The following RBM45 variants were observed in gnomAD, a reference collection of about 807,000 sequenced individuals.
RBM45 encodes the protein RNA binding motif protein 45.
Under a neutral mutation model 58.5 loss-of-function variants are expected in RBM45, and 39 were observed. The ratio of observed to expected loss-of-function variants is 0.67; its 90% CI spans 0.52 to 0.87. RBM45 has a LOEUF of 0.87. Ranked by LOEUF, RBM45 falls within the 40% of genes least tolerant of loss-of-function variation. RBM45 has a pLI of 0.00. For missense variants in RBM45, 481 were observed against 581.6 expected, an observed-to-expected ratio of 0.83 and a Z score of 1.78; for synonymous variants, 193 against 203.0, an observed-to-expected ratio of 0.95 and a Z score of 0.42.
At chr2:178,134,871 C>T (rs1220519668) in intron 3 of RBM45, among the ~76,000 whole-genome samples, 1 of 149,710 alleles carries the variant, frequency 6.7e-6, no homozygotes, top group Non-Finnish European at 1.5e-5. Flanking sequence ...ACCTGTAATC[C>T]CAGCTACTAA....
chr2:178,120,228 G>A (rs763177843), intron 3 of RBM45, 59 bp from the exon 4 acceptor site: 8 of 1,601,412 alleles, frequency 5.0e-6, no homozygotes, highest in South Asian at 1.1e-5. Context: ...TAGCAATCAA[G>A]TATATTTGCA....
chr2:178,114,714 C>G (rs1232066312), intron 1 of RBM45, among the ~76,000 whole-genome samples: 2 of 152,102 alleles, frequency 1.3e-5, no homozygotes, highest in African/African-American at 2.4e-5. Flanking sequence ...GCCTCATCCT[C>G]CCTCTCGAGT....
intron 8 of RBM45, among the ~76,000 whole-genome samples, chr2:178,125,105 A>G (rs1195938334): frequency 6.6e-6 from 1 of 152,188 alleles, no homozygotes; most frequent in Non-Finnish European, 1.5e-5. Flanking sequence ...ACATAATGTG[A>G]TAGTATATTG....
chr2:178,119,267 A>G (rs1208984164), intron 3 of RBM45, among the ~76,000 whole-genome samples: 4 of 152,360 alleles, frequency 2.6e-5, no homozygotes, highest in Middle Eastern at 3.4e-3. Flanking sequence ...GAGTCTGTCA[A>G]TGGTGAAAAA....
chr2:178,122,662 C>G (rs2087870497), intron 5 of RBM45, among the ~76,000 whole-genome samples: 1 of 151,938 alleles, frequency 6.6e-6, no homozygotes, highest in African/African-American at 2.4e-5. Context: ...TGTTTTGTTT[C>G]TCTGGTTGGA....
intron 5 of RBM45, among the ~76,000 whole-genome samples, chr2:178,122,112 C>T (rs1453980143): frequency 6.6e-6 from 1 of 152,052 alleles, no homozygotes; most frequent in African/African-American, 2.4e-5. Context: ...TCTCTTTCCT[C>T]GTATGTAAAA....
chr2:178,122,084 G>A (rs1249323626), intron 5 of RBM45, among the ~76,000 whole-genome samples: 2 of 152,164 alleles, frequency 1.3e-5, no homozygotes, highest in Non-Finnish European at 2.9e-5. Context: ...TTGGCAACTT[G>A]CTTATCCCCT....
rs77370645 is a variant in RBM45 at position 178,137,192 on chromosome 2, A to G, written c.*738A>G. The G allele has an allele frequency of 4.6e-5, 7 of 152,334 alleles. No individual in the cohort carries two copies. The East Asian group carries it at 9.6e-4, about 21-fold the overall frequency. The allele number at this position is 152,334 out of a possible 1,614,324, so 9.4% of individuals were successfully genotyped here. On this transcript the variant is annotated 3_prime_UTR_variant, in exon 4 of 4. Transcript: ENST00000455903. Reference sequence around the variant, plus strand: ...CAATGAACTGCTCATTAAAACTACAATAAGCTACCCTAACAGTGGTATGAA... The same window carrying G: ...CAATGAACTGCTCATTAAAACTACAGTAAGCTACCCTAACAGTGGTATGAA...
At position 178,124,722 on chromosome 2, in the gene RBM45, C is replaced by G. The variant is rs996541766; in HGVS notation, c.1232+432C>G. ...GCAGATACTTGGGAGGCTAAGGTGG[C>G]AGGATTGCTTTTGCCCAGGAGGTCG... On this transcript the variant is annotated intron_variant, in intron 8 of 9. Coordinates refer to ENST00000286070, the MANE Select transcript of RBM45 (RefSeq NM_152945.4). 3.9e-5 allele frequency among the ~76,000 whole-genome samples: 6 copies of G among 152,070 alleles called. 1 individual carries two copies. Among genetic ancestry groups the G allele is most frequent in the African/African-American group, 1.4e-4 (6 of 41,430 alleles).
At chr2:178,137,734 A>C (rs565297405) in exon 4 of RBM45, 13 of 152,250 alleles carry the variant, frequency 8.5e-5, no homozygotes, top group African/African-American at 3.1e-4. Context: ...GATGGGGATA[A>C]CTGATCGTTT....
chr2:178,134,523 A>T (rs1487054330), downstream of RBM45, among the ~76,000 whole-genome samples: 2 of 151,934 alleles, frequency 1.3e-5, no homozygotes, highest in South Asian at 4.1e-4. Context: ...AGGTAACAGC[A>T]TTCATTAGCT....
At chr2:178,133,148 C>T (rs771159060), downstream of RBM45, among the ~76,000 whole-genome samples, 3 of 152,144 alleles carry the variant, frequency 2.0e-5, no homozygotes, top group Non-Finnish European at 4.4e-5. Context: ...TAGAATTAAG[C>T]ATCTGGTTTT....
chr2:178,137,853 A>G (rs530269436), exon 4 of RBM45: 1 of 152,330 alleles, frequency 6.6e-6, no homozygotes, highest in African/African-American at 2.4e-5. Flanking sequence ...GGTGAAACAG[A>G]CAGTTCTGCA....
intron 3 of RBM45, among the ~76,000 whole-genome samples, chr2:178,134,997 A>G (rs918308636): frequency 6.6e-6 from 1 of 152,058 alleles, no homozygotes; most frequent in African/African-American, 2.4e-5. Flanking sequence ...ACAGAGCAAG[A>G]CTCCATCTCA....
In RBM45 at chr2:178,112,850, C is replaced by A; in HGVS notation, c.300+4C>A. 6.3e-7 allele frequency: 1 copy of A among 1,599,474 alleles called. No individual in the cohort carries two copies. The highest frequency in any genetic ancestry group is 8.6e-7 in the Non-Finnish European group (1 of 1,168,450). On this transcript the variant is annotated splice_donor_region_variant and intron_variant, in intron 1 of 9. Transcript: ENST00000286070. ...CAACGACACCAAGCCCATCAAGGTG[C>A]GGGTGCCCGGGTCGGGGTGCCCTCG... is the stretch of plus-strand genomic sequence containing the variant.
intron 8 of RBM45, chr2:178,125,676 A>G: frequency 3.8e-6 from 2 of 527,838 alleles, no homozygotes; most frequent in Non-Finnish European, 7.5e-6. Flanking sequence ...TAGGGAGTAA[A>G]TGATCATATT....
chr2:178,117,649 C>A (rs527249235), intron 2 of RBM45, among the ~76,000 whole-genome samples: 1 of 152,262 alleles, frequency 6.6e-6, no homozygotes, highest in African/African-American at 2.4e-5. Flanking sequence ...CTTAAACAAC[C>A]CTGTGAGGTA....
At chr2:178,124,091 A>AT in intron 7 of RBM45, 36 bp from the exon 8 acceptor site, 1 of 1,568,200 alleles carries the variant, frequency 6.4e-7, no homozygotes, top group African/African-American at 1.4e-5. Flanking sequence ...CCTAAAGGGC[A>AT]TTTTTTTCTT....
At chr2:178,126,488 G>A (rs981892659) in intron 9 of RBM45, among the ~76,000 whole-genome samples, 1 of 143,126 alleles carries the variant, frequency 7.0e-6, no homozygotes, top group Non-Finnish European at 1.6e-5. Context: ...TCCGGTGCTA[G>A]AATAAGGATT....
Sources: gnomAD v4.1 joint callset for allele counts (sites outside exome capture counted in the v4.1 genomes callset) on GRCh38, gnomAD v4.1.1 for gene constraint, MANE v1.5 for transcripts, NCBI Gene and HGNC (gene_info 2026-07-23, HGNC 2026-07-21) for gene names.